The following NDST4 variants were observed in gnomAD, a reference collection of about 807,000 sequenced individuals.
The protein encoded by NDST4 is N-heparan sulfate sulfotransferase 4.
In NDST4, 63 loss-of-function variants were observed where a neutral mutation model predicts 100.8. The ratio of observed to expected loss-of-function variants is 0.62; its 90% CI spans 0.51 to 0.77. NDST4 has a LOEUF of 0.77. Among genes scored for constraint, NDST4 ranks in the 30% least tolerant of loss-of-function variants. The pLI, the probability that NDST4 is intolerant of heterozygous loss-of-function variation, is 0.00. For synonymous variants in NDST4, 377 were observed against 361.8 expected (o/e 1.04, Z -0.48); for missense variants, 943 against 1,018.4 (o/e 0.93, Z 1.01).
chr4:114,902,035 C>T (rs1395801586), intron 6 of NDST4, among the ~76,000 whole-genome samples: 1 of 151,980 alleles, frequency 6.6e-6, no homozygotes, highest in African/African-American at 2.4e-5. Context: ...ATATGTGACA[C>T]ATATATGAAA....
rs532574065 is a variant in NDST4, at chr4:114,930,044, C to T, written c.1536+5162G>A. 8.0e-4 allele frequency among the ~76,000 whole-genome samples: 122 copies of T among 152,190 alleles called. 1 individual carries two copies. In the South Asian group the frequency reaches 0.019, roughly 24 times the overall value. On this transcript the variant is annotated intron_variant, in intron 6 of 13. Coordinates refer to ENST00000264363, the MANE Select transcript of NDST4 (RefSeq NM_022569.3). ...ATGATGAAGTGACTCTTACCTCTGTCGAGATTAAATTCTCAGTAAGGGAAG... is the reference window on the plus strand; with the variant it reads ...ATGATGAAGTGACTCTTACCTCTGTTGAGATTAAATTCTCAGTAAGGGAAG...
chr4:115,092,444 A>G (rs1729538183), intron 1 of NDST4, among the ~76,000 whole-genome samples: 3 of 147,144 alleles, frequency 2.0e-5, no homozygotes, highest in African/African-American at 7.4e-5. Context: ...GTTGCTGGAT[A>G]TAAGTGAAGT....
intron 2 of NDST4, among the ~76,000 whole-genome samples, chr4:114,986,826 A>ATTTATT (rs1438396923): frequency 8.5e-6 from 1 of 117,338 alleles, no homozygotes; most frequent in African/African-American, 3.6e-5. Context: ...ATATATATAT[A>ATTTATT]TATATATTTT....
intron 1 of NDST4, among the ~76,000 whole-genome samples, chr4:115,104,997 A>G (rs1729807225): frequency 6.6e-6 from 1 of 152,158 alleles, no homozygotes. Flanking sequence ...AAGTCTATGA[A>G]TTATTATTAC....
At chr4:114,870,008 A>ACTGCTTG (rs1439157910) in intron 7 of NDST4, among the ~76,000 whole-genome samples, 2 of 152,150 alleles carry the variant, frequency 1.3e-5, no homozygotes, top group African/African-American at 4.8e-5. Context: ...TTCTCAGCCG[A>ACTGCTTG]CTGCTTGGCA....
chr4:114,963,807 A>G (rs891527997), intron 4 of NDST4, among the ~76,000 whole-genome samples: 1 of 152,220 alleles, frequency 6.6e-6, no homozygotes, highest in Non-Finnish European at 1.5e-5. Flanking sequence ...TTTAGTTAAT[A>G]CGCAAATATT....
chr4:115,100,591 A>C (rs962130562), intron 1 of NDST4, among the ~76,000 whole-genome samples: 2 of 152,098 alleles, frequency 1.3e-5, no homozygotes, highest in Admixed American at 1.3e-4. Flanking sequence ...TACATTTAAG[A>C]AGCACAGTTT....
At chr4:114,915,185 A>G (rs2126216619) in intron 6 of NDST4, among the ~76,000 whole-genome samples, 1 of 152,272 alleles carries the variant, frequency 6.6e-6, no homozygotes, top group Admixed American at 6.5e-5. Context: ...TTCTCCAGCT[A>G]TCACAAATAG....
intron 6 of NDST4, among the ~76,000 whole-genome samples, chr4:114,887,820 AT>A (rs1724511565): frequency 6.6e-6 from 1 of 151,980 alleles, no homozygotes; most frequent in South Asian, 2.1e-4. Context: ...TTACTCACCA[AT>A]TTTCCACTTT....
intron 10 of NDST4, among the ~76,000 whole-genome samples, chr4:114,845,433 G>T (rs765709192): frequency 6.6e-6 from 1 of 152,074 alleles, no homozygotes; most frequent in Non-Finnish European, 1.5e-5. Flanking sequence ...TTTCTACTGC[G>T]ATATTTTACT....
chr4:114,895,550 C>G (rs1724695973), intron 6 of NDST4, among the ~76,000 whole-genome samples: 1 of 152,100 alleles, frequency 6.6e-6, no homozygotes, highest in African/African-American at 2.4e-5. Context: ...TGAATTCTAC[C>G]AGAACTACAA....
intron 1 of NDST4, among the ~76,000 whole-genome samples, chr4:115,102,288 T>G (rs1729745498): frequency 6.6e-6 from 1 of 152,076 alleles, no homozygotes; most frequent in Admixed American, 6.6e-5. Context: ...GCAAAAAAAC[T>G]ATAAGATACA....
intron 6 of NDST4, among the ~76,000 whole-genome samples, chr4:114,882,328 T>A (rs73850719): frequency 0.023 from 3,453 of 152,006 alleles, 123 homozygotes; most frequent in African/African-American, 0.078. Context: ...CATGTGGGCC[T>A]TAAGGGGGCA....
intron 6 of NDST4, among the ~76,000 whole-genome samples, chr4:114,924,807 GT>G (rs11286132): frequency 0.035 from 5,273 of 152,132 alleles, 306 homozygotes; most frequent in African/African-American, 0.12. Context: ...TACATAATCT[GT>G]TATGTATTTC....
chr4:114,867,666 A>AAAAAAAAAAAAAAAAAG (rs1724062126), intron 7 of NDST4, among the ~76,000 whole-genome samples: 10 of 16,884 alleles, frequency 5.9e-4, no homozygotes, highest in Admixed American at 1.6e-3. Context: ...AAAAAAAAGC[A>AAAAAAAAAAAAAAAAAG]AAAAAAAAAA....
intron 2 of NDST4, among the ~76,000 whole-genome samples, chr4:115,014,091 T>C (rs2126261980): frequency 6.6e-6 from 1 of 152,202 alleles, no homozygotes; most frequent in South Asian, 2.1e-4. Context: ...CAACCTCTTG[T>C]ACTTGTTATG....
rs34174566 is a variant in NDST4 at position 114,896,622 on chromosome 4, C to CAAA, written c.1537-25675_1537-25673dup. ...CTAGTGACAGAGTGAGACTCCGTCT[C>CAAA]AAAAAAAAAAAAAAAAAATTTGCTT... On this transcript the variant is annotated intron_variant, in intron 6 of 13. Coordinates refer to ENST00000264363, the MANE Select transcript of NDST4 (RefSeq NM_022569.3). Among the ~76,000 whole-genome samples, 1,596 of 103,872 alleles carry CAAA rather than the reference C, an allele frequency of 0.015. 64 individuals carry two copies. In the South Asian group the frequency reaches 0.22, roughly 14 times the overall value. The allele number at this position is 103,872 out of a possible 152,430, so 68.1% of individuals were successfully genotyped here. A position where few individuals can be genotyped will look rare whatever the true frequency, so the allele number is the denominator to read the frequency against.
intron 1 of NDST4, among the ~76,000 whole-genome samples, chr4:115,099,373 T>C (rs1450424978): frequency 1.3e-5 from 2 of 152,028 alleles, no homozygotes; most frequent in Non-Finnish European, 2.9e-5. Context: ...AAGAGAAAGA[T>C]GACAGGCTAC....
chr4:114,985,212 C>T (rs1476294887), intron 2 of NDST4, among the ~76,000 whole-genome samples: 1 of 152,152 alleles, frequency 6.6e-6, no homozygotes, highest in Non-Finnish European at 1.5e-5. Context: ...AGCCAAAGAA[C>T]ACCTTGACAT....
Sources: gnomAD v4.1 joint callset for allele counts (sites outside exome capture counted in the v4.1 genomes callset) on GRCh38, gnomAD v4.1.1 for gene constraint, MANE v1.5 for transcripts, NCBI Gene and HGNC (gene_info 2026-07-23, HGNC 2026-07-21) for gene names.